Variants in ACAD9 observed in about 807,000 individuals in gnomAD.
The protein encoded by ACAD9 is acyl-CoA dehydrogenase family member 9.
Under a neutral mutation model 70.2 loss-of-function variants are expected in ACAD9, and 53 were observed. The ratio of observed to expected loss-of-function variants is 0.75; its 90% CI spans 0.61 to 0.95. The LOEUF (loss-of-function observed/expected upper bound fraction) is 0.95, where lower values mean the gene tolerates loss of function less well. Among genes scored for constraint, ACAD9 ranks in the 40% least tolerant of loss-of-function variants. The pLI is 0.00. For synonymous variants in ACAD9, 313 were observed against 312.1 expected (o/e 1.00, Z -0.03); for missense variants, 777 against 802.8 (o/e 0.97, Z 0.39).
At position 128,899,318 on chromosome 3, in the gene ACAD9, T is replaced by A. The variant is rs863223874; in HGVS notation, c.665T>A (p.Ile222Asn). ...ATTACTAATGGAGGACTGGCCAATA[T>A]TTTTACTGTGTTTGCAAAGACTGAG... ...VWITNGGLAN[I>N]FTVFAKTEVV... The change falls in exon 7 of 18, where the codon ATT becomes AAT. Residue 222 changes from isoleucine to asparagine, a missense_variant. Ile to Asn is a moderately radical substitution (Grantham distance 149). Coordinates refer to ENST00000308982, the MANE Select transcript of ACAD9 (RefSeq NM_014049.5). The A allele has an allele frequency of 1.2e-5, 19 of 1,614,246 alleles. No homozygotes were observed. Among genetic ancestry groups the A allele is most frequent in the Non-Finnish European group, 1.6e-5 (19 of 1,180,040 alleles).
At chr3:128,908,826 T>G (rs1576349137) in intron 13 of ACAD9, 147 bp from the exon 14 acceptor site, 3 of 1,281,352 alleles carry the variant, frequency 2.3e-6, no homozygotes, top group East Asian at 2.5e-5. Context: ...AGGTGGTGGG[T>G]TTGGGGGGGT....
chr3:128,913,053 T>G lies in ACAD9; in HGVS notation c.*446T>G, dbSNP rs772846883. On this transcript the variant is annotated 3_prime_UTR_variant, in exon 18 of 18. Coordinates refer to ENST00000308982, the MANE Select transcript of ACAD9 (RefSeq NM_014049.5). ...CATTTAAACTAGAAGCAGAGGCACT[T>G]AAAACATGTACCAGGAACCATTTAA... 1 of 455,682 alleles carries G rather than the reference T, an allele frequency of 2.2e-6. No individual in the cohort carries two copies. The highest frequency in any genetic ancestry group is 1.6e-5 in the South Asian group (1 of 64,492). 28.2% of individuals were successfully genotyped at this position (455,682 alleles called of 1,614,324 possible).
chr3:128,889,536 T>A (rs1935356051), intron 2 of ACAD9, among the ~76,000 whole-genome samples: 1 of 152,230 alleles, frequency 6.6e-6, no homozygotes, highest in African/African-American at 2.4e-5. Context: ...GCCTCTTTTA[T>A]TTCCCCCCTG....
chr3:128,884,779 C>T (rs765422380), intron 2 of ACAD9, 33 bp downstream of exon 2: 1 of 1,462,782 alleles, frequency 6.8e-7, no homozygotes, highest in African/African-American at 1.4e-5. Flanking sequence ...TTGCCGATTT[C>T]CATTGTAAGG....
intron 15 of ACAD9, 95 bp downstream of exon 15, chr3:128,909,516 G>A: frequency 1.5e-6 from 2 of 1,314,180 alleles, no homozygotes; most frequent in East Asian, 2.3e-5. Context: ...TTGGGACCAG[G>A]CCTAGAACAG....
rs1432265534 is a variant in ACAD9, at chr3:128,901,354, G to A, written c.882+5G>A. 1 of 1,614,168 alleles carries A rather than the reference G, an allele frequency of 6.2e-7. No individual in the cohort carries two copies. The highest frequency in any genetic ancestry group is 2.2e-5 in the East Asian group (1 of 44,894). On this transcript the variant is annotated splice_donor_5th_base_variant and intron_variant, in intron 8 of 17. Coordinates refer to ENST00000308982, the MANE Select transcript of ACAD9 (RefSeq NM_014049.5). The stretch of plus-strand genomic sequence containing the variant: ...GAGGTCGGAGATGGGTTTAAGGTGA[G>A]TTGCCAGCCACAGCCCCTTGTACCA...
intron 5 of ACAD9, among the ~76,000 whole-genome samples, chr3:128,896,811 C>T (rs927479134): frequency 3.3e-5 from 5 of 152,176 alleles, no homozygotes; most frequent in Non-Finnish European, 7.3e-5. Context: ...ATAGTAATAA[C>T]GTTCCGGCTT....
intron 2 of ACAD9, among the ~76,000 whole-genome samples, chr3:128,886,525 A>G (rs1360833261): frequency 1.3e-5 from 2 of 152,016 alleles, no homozygotes; most frequent in Non-Finnish European, 2.9e-5. Context: ...CCTGACCAAC[A>G]TGGAGAAACC....
In ACAD9 at chr3:128,896,505, A is replaced by G. The variant is rs754188892; in HGVS notation, c.523A>G (p.Ile175Val). The change falls in exon 5 of 18, where the codon ATT becomes GTT. Residue 175 changes from isoleucine to valine, a missense_variant. By Grantham distance (29) the Ile-to-Val change is conservative. Coordinates refer to ENST00000308982, the MANE Select transcript of ACAD9 (RefSeq NM_014049.5). ...GCCTAAACTGGCGTCCGGGGAGCAC[A>G]TTGCAGCCTTCTGCCTCACGGAGCC... The part of the protein sequence containing the change: ...YLPKLASGEH[I>V]AAFCLTEPAS... 8 of 1,614,176 alleles carry G rather than the reference A, an allele frequency of 5.0e-6. No individual in the cohort carries two copies. Among genetic ancestry groups the G allele is most frequent in the South Asian group, 4.4e-5 (4 of 91,080 alleles).
rs1199422219 is a variant in ACAD9, at chr3:128,902,391, G to GT, written c.883-161dup. Among the ~76,000 whole-genome samples, 1 of 152,158 alleles carries GT rather than the reference G, an allele frequency of 6.6e-6. No homozygotes were observed. Among genetic ancestry groups the GT allele is most frequent in the Non-Finnish European group, 1.5e-5 (1 of 68,032 alleles). On this transcript the variant is annotated intron_variant, in intron 8 of 17. Coordinates refer to ENST00000308982, the MANE Select transcript of ACAD9 (RefSeq NM_014049.5). The surrounding 1 kb of genome is among the most constrained non-coding windows in gnomAD (Gnocchi z 4.0). ...AGTGGTCTTGTGTGTGGGGATGTTG[G>GT]TAGAGCTGCAACAGTGACTGAACCA...
chr3:128,913,074 T>C lies in ACAD9; in HGVS notation c.*467T>C. The C allele has an allele frequency of 2.2e-6, 1 of 453,982 alleles. No individual in the cohort carries two copies. Among genetic ancestry groups the C allele is most frequent in the Non-Finnish European group, 4.4e-6 (1 of 226,222 alleles). 28.1% of individuals were successfully genotyped at this position (453,982 alleles called of 1,614,324 possible). On this transcript the variant is annotated 3_prime_UTR_variant, in exon 18 of 18. Transcript: ENST00000308982. ...CACTTAAAACATGTACCAGGAACCA[T>C]TTAACAAAGAATATAAAATGTCACA...
intron 15 of ACAD9, 195 bp from the exon 16 acceptor site, chr3:128,909,826 C>T: frequency 1.3e-6 from 1 of 774,002 alleles, no homozygotes; most frequent in Non-Finnish European, 2.1e-6. Flanking sequence ...CTCCCTGAAT[C>T]TAGAGCTCAA....
intron 16 of ACAD9, 65 bp from the exon 17 acceptor site, chr3:128,910,676 T>C: frequency 6.3e-7 from 1 of 1,588,724 alleles, no homozygotes; most frequent in Non-Finnish European, 8.6e-7. Context: ...TAGGCTGGGT[T>C]TTTGAAGCTC....
At chr3:128,897,465 G>GT (rs2107652176) in intron 5 of ACAD9, among the ~76,000 whole-genome samples, 167 bp from the exon 6 acceptor site, 1 of 152,206 alleles carries the variant, frequency 6.6e-6, no homozygotes, top group African/African-American at 2.4e-5. Context: ...AGTTGAGGAG[G>GT]TGAGACAGAC....
intron 2 of ACAD9, among the ~76,000 whole-genome samples, chr3:128,890,458 T>C (rs2107646360): frequency 6.6e-6 from 1 of 152,168 alleles, no homozygotes; most frequent in African/African-American, 2.4e-5. Flanking sequence ...ATCCCAGCAC[T>C]TTGGGCGGCC....
intron 11 of ACAD9, among the ~76,000 whole-genome samples, chr3:128,904,747 A>C (rs1172593086): frequency 6.6e-6 from 1 of 152,230 alleles, no homozygotes; most frequent in African/African-American, 2.4e-5. Flanking sequence ...TTATGATAAT[A>C]TCCTTTTAGA....
chr3:128,880,017 G>A (rs2107637201), intron 1 of ACAD9, 176 bp downstream of exon 1: 1 of 1,545,074 alleles, frequency 6.5e-7, no homozygotes. Context: ...CCAGAGAAAG[G>A]GTGAGACATT....
chr3:128,905,728 C>G (rs1300911114), intron 11 of ACAD9, among the ~76,000 whole-genome samples: 2 of 152,166 alleles, frequency 1.3e-5, no homozygotes, highest in African/African-American at 4.8e-5. Context: ...CTTCCAGATG[C>G]TAAGCCTAGG....
chr3:128,887,644 A>AATATATATATATATATATAT (rs71153150), intron 2 of ACAD9, among the ~76,000 whole-genome samples: 17 of 133,102 alleles, frequency 1.3e-4, no homozygotes, highest in African/African-American at 4.6e-4. Context: ...AAAATAAATA[A>AATATATATATATATATATAT]ATATATATAT....
Sources: gnomAD v4.1 joint callset for allele counts (sites outside exome capture counted in the v4.1 genomes callset) on GRCh38, gnomAD v4.1.1 for gene constraint, Gnocchi (gnomAD v3.1) non-coding constraint, MANE v1.5 for transcripts, NCBI Gene and HGNC (gene_info 2026-07-23, HGNC 2026-07-21) for gene names.